Variants in DAPP1 observed in about 807,000 individuals in gnomAD.
DAPP1 encodes the protein dual adapter for phosphotyrosine and 3-phosphotyrosine and 3-phosphoinositide.
In DAPP1, 20 loss-of-function variants were observed where a neutral mutation model predicts 41.5. The observed-to-expected ratio is 0.48, with a 90% confidence interval of 0.34 to 0.70. The LOEUF (loss-of-function observed/expected upper bound fraction) is 0.70. DAPP1 is among the 30% of genes least tolerant of loss of function. The probability of loss-of-function intolerance (pLI) is 0.01; values close to 1 mark genes in which losing one functional copy is unlikely to be tolerated. For missense variants in DAPP1, 233 were observed against 333.4 expected (o/e 0.70, Z 2.35); for synonymous variants, 113 against 116.2 (o/e 0.97, Z 0.18).
intron 1 of DAPP1, among the ~76,000 whole-genome samples, chr4:99,826,985 G>A (rs1279656216): frequency 6.6e-6 from 1 of 152,146 alleles, no homozygotes; most frequent in East Asian, 1.9e-4. Flanking sequence ...AAGTCACTTA[G>A]TACTTTGCTT....
In DAPP1 at chr4:99,863,494, A is replaced by G. The variant is rs535950413; in HGVS notation, c.601-276A>G. ...TTCTAAGAAAGTAGAAGTTTTAAAAAATGAGAGAAAAATATACCTCTCTTC... is the reference window on the plus strand; with the variant it reads ...TTCTAAGAAAGTAGAAGTTTTAAAAGATGAGAGAAAAATATACCTCTCTTC... On this transcript the variant is annotated intron_variant, in intron 6 of 8. Coordinates refer to ENST00000512369, the MANE Select transcript of DAPP1 (RefSeq NM_014395.3). Among the ~76,000 whole-genome samples the G allele has an allele frequency of 2.0e-5, 3 of 152,294 alleles. No individual in the cohort carries two copies. In the South Asian group the frequency reaches 6.2e-4, roughly 32 times the overall value.
chr4:99,818,868 A>T (rs562785105), intron 1 of DAPP1, among the ~76,000 whole-genome samples: 1 of 152,144 alleles, frequency 6.6e-6, no homozygotes, highest in Non-Finnish European at 1.5e-5. Flanking sequence ...CAAACCACAG[A>T]CTTGACAAAT....
At chr4:99,819,094 T>G (rs968693116) in intron 1 of DAPP1, among the ~76,000 whole-genome samples, 1 of 152,216 alleles carries the variant, frequency 6.6e-6, no homozygotes, top group Non-Finnish European at 1.5e-5. Context: ...TTAGGGGCAT[T>G]TCGATTAGCA....
At chr4:99,865,966 T>TATAAAA (rs1307444770) in intron 7 of DAPP1, 68 bp from the exon 8 acceptor site, 1 of 78,932 alleles carries the variant, frequency 1.3e-5, no homozygotes, top group Non-Finnish European at 2.4e-5. Flanking sequence ...ATTATATATA[T>TATAAAA]TATATATATA....
chr4:99,865,482 CTCTTTTTATTGTCCCAA>C (rs1293130440), intron 7 of DAPP1: 2 of 152,132 alleles, frequency 1.3e-5, no homozygotes, highest in Non-Finnish European at 2.9e-5. Context: ...GTTTTATTGT[CTCTTTTTATTGTCCCAA>C]TAGTTGAAAT....
intron 1 of DAPP1, among the ~76,000 whole-genome samples, chr4:99,830,634 T>C (rs1303312128): frequency 1.3e-5 from 2 of 152,206 alleles, no homozygotes; most frequent in Non-Finnish European, 2.9e-5. Flanking sequence ...ATTCTGATTC[T>C]CATACACGCC....
intron 3 of DAPP1, among the ~76,000 whole-genome samples, chr4:99,843,878 T>C (rs1321242816): frequency 6.6e-6 from 1 of 152,250 alleles, no homozygotes; most frequent in Admixed American, 6.5e-5. Flanking sequence ...TCATGCTGGA[T>C]GCCCCATTTC....
At chr4:99,866,976 G>A (rs535409695) in intron 8 of DAPP1, among the ~76,000 whole-genome samples, 44 of 151,928 alleles carry the variant, frequency 2.9e-4, no homozygotes, top group Admixed American at 2.4e-3. Flanking sequence ...CACCATTTTG[G>A]CCAGGGTGGT....
chr4:99,861,021 G>A (rs769177635), intron 4 of DAPP1, among the ~76,000 whole-genome samples: 9 of 152,106 alleles, frequency 5.9e-5, no homozygotes, highest in African/African-American at 1.7e-4. Context: ...ATAAATCTAC[G>A]CTCCTGACAG....
chr4:99,837,291 G>A (rs1330943821), intron 2 of DAPP1, among the ~76,000 whole-genome samples: 2 of 152,162 alleles, frequency 1.3e-5, no homozygotes, highest in African/African-American at 4.8e-5. Context: ...GATAAAGTGT[G>A]TGTACTCCAG....
chr4:99,839,437 A>G (rs1224115788), intron 2 of DAPP1, among the ~76,000 whole-genome samples: 1 of 150,094 alleles, frequency 6.7e-6, no homozygotes, highest in Non-Finnish European at 1.5e-5. Context: ...TATATTGTTT[A>G]ATACTCTGCC....
intron 1 of DAPP1, among the ~76,000 whole-genome samples, chr4:99,834,805 A>C (rs937685021): frequency 2.0e-5 from 3 of 152,178 alleles, no homozygotes; most frequent in African/African-American, 7.2e-5. Context: ...ACAGTTCTGA[A>C]GGCTCAAAGT....
chr4:99,823,235 G>A (rs1479573481), intron 1 of DAPP1, among the ~76,000 whole-genome samples: 2 of 151,840 alleles, frequency 1.3e-5, no homozygotes, highest in East Asian at 3.9e-4. Context: ...TGAAATATGG[G>A]TATTATTTCA....
intron 2 of DAPP1, among the ~76,000 whole-genome samples, chr4:99,836,388 G>A (rs1723300294): frequency 6.6e-6 from 1 of 152,184 alleles, no homozygotes; most frequent in Admixed American, 6.5e-5. Context: ...CTGGTAGTCA[G>A]GGGAGGCGGC....
chr4:99,846,813 G>A (rs1223849493), intron 3 of DAPP1, among the ~76,000 whole-genome samples: 1 of 152,150 alleles, frequency 6.6e-6, no homozygotes, highest in African/African-American at 2.4e-5. Context: ...CTAGTTCAGT[G>A]CACTTCACCC....
At chr4:99,834,092 A>G (rs149237433) in intron 1 of DAPP1, among the ~76,000 whole-genome samples, 23 of 152,346 alleles carry the variant, frequency 1.5e-4, no homozygotes, top group Admixed American at 1.5e-3. Flanking sequence ...CCACAATCCT[A>G]ATCATCACAT....
At chr4:99,826,797 A>T (rs1722952013) in intron 1 of DAPP1, among the ~76,000 whole-genome samples, 1 of 152,180 alleles carries the variant, frequency 6.6e-6, no homozygotes, top group Non-Finnish European at 1.5e-5. Flanking sequence ...TTCATTCTTC[A>T]TACTGCAGTT....
Position 99,835,665 on chromosome 4 carries a change from TCTC to T in DAPP1, c.148_150del (p.Leu50del). On this transcript the variant is annotated inframe_deletion, in exon 2 of 9. Transcript: ENST00000512369. ...TCACACGCCATGCTGCTGAAGCTCT[TCTC>T]CTCTCAAATGGATGTGACGGCAGCT... The T allele has an allele frequency of 2.5e-6, 4 of 1,613,820 alleles. No homozygotes were observed. Among genetic ancestry groups the T allele is most frequent in the Non-Finnish European group, 3.4e-6 (4 of 1,179,808 alleles).
intron 1 of DAPP1, among the ~76,000 whole-genome samples, chr4:99,827,994 T>C (rs1722999072): frequency 6.6e-6 from 1 of 152,176 alleles, no homozygotes; most frequent in Admixed American, 6.5e-5. Context: ...CAGCAAAAAA[T>C]GGCAATTCAT....
Sources: gnomAD v4.1 joint callset for allele counts (sites outside exome capture counted in the v4.1 genomes callset) on GRCh38, gnomAD v4.1.1 for gene constraint, MANE v1.5 for transcripts, NCBI Gene and HGNC (gene_info 2026-07-23, HGNC 2026-07-21) for gene names.